The following TBC1D22B variants were observed in gnomAD, a reference collection of about 807,000 sequenced individuals.
TBC1D22B encodes TBC1 domain family member 22B, also known as chromosome 6 open reading frame 197.
TBC1D22B carries 32 observed loss-of-function variants against 69.1 expected under a neutral mutation model. The ratio of observed to expected loss-of-function variants is 0.46; its 90% CI spans 0.35 to 0.62. The LOEUF is 0.62. TBC1D22B is among the 20% of genes least tolerant of loss of function. The probability of loss-of-function intolerance (pLI) is 0.00; values close to 1 mark genes in which losing one functional copy is unlikely to be tolerated. For synonymous variants in TBC1D22B, 206 were observed against 229.8 expected, an observed-to-expected ratio of 0.90 and a Z score of 0.94; for missense variants, 462 against 630.9, an observed-to-expected ratio of 0.73 and a Z score of 2.87.
At chr6:37,316,242 T>C (rs1178577226) in intron 10 of TBC1D22B, among the ~76,000 whole-genome samples, 1 of 152,174 alleles carries the variant, frequency 6.6e-6, no homozygotes, top group Non-Finnish European at 1.5e-5. Flanking sequence ...TGAGTGGAGT[T>C]TGTGAGCCCC....
intron 8 of TBC1D22B, among the ~76,000 whole-genome samples, chr6:37,308,229 A>T (rs887541920): frequency 6.6e-6 from 1 of 152,136 alleles, no homozygotes; most frequent in African/African-American, 2.4e-5. Context: ...ACAACCAGAG[A>T]CGCTGCCCTC....
chr6:37,299,810 G>T (rs772611279), intron 8 of TBC1D22B, among the ~76,000 whole-genome samples: 5 of 152,070 alleles, frequency 3.3e-5, no homozygotes, highest in Non-Finnish European at 7.4e-5. Flanking sequence ...AGGAGTTCCA[G>T]ACCAATTTGG....
At chr6:37,300,601 C>A (rs195747) in intron 8 of TBC1D22B, among the ~76,000 whole-genome samples, 138,432 of 152,068 alleles carry the variant, frequency 0.91, 63,144 homozygotes, top group African/African-American at 0.97. Context: ...GCCTGAAGTC[C>A]TCCACCCACC....
intron 12 of TBC1D22B, among the ~76,000 whole-genome samples, chr6:37,322,006 C>G (rs1054779007): frequency 6.6e-6 from 1 of 152,150 alleles, no homozygotes; most frequent in Non-Finnish European, 1.5e-5. Flanking sequence ...TAAGAGCGCT[C>G]GAACCTACCT....
At chr6:37,317,980 A>C (rs1768129788) in intron 12 of TBC1D22B, among the ~76,000 whole-genome samples, 1 of 152,208 alleles carries the variant, frequency 6.6e-6, no homozygotes, top group Non-Finnish European at 1.5e-5. Flanking sequence ...GACCCAGATC[A>C]CAGAGGACTT....
chr6:37,303,409 C>T (rs1344557765), intron 8 of TBC1D22B, among the ~76,000 whole-genome samples: 1 of 152,180 alleles, frequency 6.6e-6, no homozygotes, highest in East Asian at 1.9e-4. Context: ...TTACAAAGCT[C>T]TGGTGATTTT....
intron 12 of TBC1D22B, among the ~76,000 whole-genome samples, chr6:37,319,178 A>T (rs1354255417): frequency 6.6e-6 from 1 of 152,204 alleles, no homozygotes; most frequent in African/African-American, 2.4e-5. Flanking sequence ...CTGTGAGTAG[A>T]TGCTAGCCAT....
chr6:37,299,783 G>C (rs971844266), intron 8 of TBC1D22B, among the ~76,000 whole-genome samples: 6 of 152,260 alleles, frequency 3.9e-5, no homozygotes, highest in Admixed American at 1.3e-4. Flanking sequence ...GCTGAGACAG[G>C]CGGATCACAT....
intron 2 of TBC1D22B, among the ~76,000 whole-genome samples, 193 bp from the exon 3 acceptor site, chr6:37,279,111 T>C (rs1766748595): frequency 6.6e-6 from 1 of 152,242 alleles, no homozygotes; most frequent in African/African-American, 2.4e-5. Flanking sequence ...CTGTCTCTGC[T>C]ACATCTGTCT....
intron 12 of TBC1D22B, among the ~76,000 whole-genome samples, chr6:37,320,175 G>T (rs1768198694): frequency 6.6e-6 from 1 of 152,184 alleles, no homozygotes; most frequent in South Asian, 2.1e-4. Flanking sequence ...GCCAGTAAGG[G>T]GTTCAGAGAG....
At chr6:37,271,553 C>A (rs1434064559) in intron 2 of TBC1D22B, among the ~76,000 whole-genome samples, 3 of 151,978 alleles carry the variant, frequency 2.0e-5, no homozygotes, top group Admixed American at 6.6e-5. Flanking sequence ...TCTGTACCTT[C>A]CTCTGGATTT....
At position 37,257,880 on chromosome 6, in the gene TBC1D22B, C is replaced by G. The variant is rs745740447; in HGVS notation, c.-38C>G. 13 of 1,608,084 alleles carry G rather than the reference C, an allele frequency of 8.1e-6. No homozygotes were observed. The highest frequency in any genetic ancestry group is 1.1e-5 in the Non-Finnish European group (13 of 1,177,450). ...TCTGGGGGCATCTCGCCGGGCAAAC[C>G]CTTGGCCCGCCTACAAGGACTTCCC... On this transcript the variant is annotated 5_prime_UTR_variant, in exon 1 of 13. Coordinates refer to ENST00000373491, the MANE Select transcript of TBC1D22B (RefSeq NM_017772.4).
chr6:37,263,035 AGT>A (rs752560971), intron 1 of TBC1D22B, among the ~76,000 whole-genome samples: 1 of 152,224 alleles, frequency 6.6e-6, no homozygotes, highest in Non-Finnish European at 1.5e-5. Flanking sequence ...TTCGAGATGC[AGT>A]GTGTTAACTA....
intron 8 of TBC1D22B, among the ~76,000 whole-genome samples, chr6:37,307,700 A>G (rs1767771912): frequency 6.6e-6 from 1 of 151,844 alleles, no homozygotes; most frequent in Non-Finnish European, 1.5e-5. Context: ...GTCCGGTTCA[A>G]CAACAACAAC....
chr6:37,298,482 C>T (rs60567861), intron 8 of TBC1D22B, among the ~76,000 whole-genome samples: 4,699 of 150,204 alleles, frequency 0.031, 234 homozygotes, highest in African/African-American at 0.11. Flanking sequence ...ATTTCTATAA[C>T]AAGACTTAAC....
At chr6:37,302,213 T>G (rs893675917) in intron 8 of TBC1D22B, among the ~76,000 whole-genome samples, 29 of 152,222 alleles carry the variant, frequency 1.9e-4, no homozygotes, top group African/African-American at 7.0e-4. Context: ...CCCAAGCAGC[T>G]TCTTTATCTG....
chr6:37,321,459 C>T (rs1234041491), intron 12 of TBC1D22B, among the ~76,000 whole-genome samples: 1 of 152,178 alleles, frequency 6.6e-6, no homozygotes, highest in African/African-American at 2.4e-5. Context: ...CACAAAGAAA[C>T]ATTTAGCAAC....
At chr6:37,311,906 T>C (rs569726360) in intron 8 of TBC1D22B, among the ~76,000 whole-genome samples, 1 of 152,330 alleles carries the variant, frequency 6.6e-6, no homozygotes, top group South Asian at 2.1e-4. Flanking sequence ...CAGCACTTCT[T>C]ACTACTTCAC....
At chr6:37,259,165 T>A (rs1765977283) in intron 1 of TBC1D22B, among the ~76,000 whole-genome samples, 1 of 152,154 alleles carries the variant, frequency 6.6e-6, no homozygotes, top group African/African-American at 2.4e-5. Context: ...ACCAAGAGTC[T>A]TATTTTATTA....
Sources: allele counts gnomAD v4.1 joint callset (sites outside exome capture counted in the v4.1 genomes callset), GRCh38; gene constraint gnomAD v4.1.1; transcripts MANE v1.5; gene names NCBI Gene and HGNC (gene_info 2026-07-23, HGNC 2026-07-21).